Variants in BPIFC observed in about 807,000 individuals in gnomAD.
BPIFC encodes BPI fold-containing family C protein.
BPIFC carries 60 observed loss-of-function variants against 57.6 expected under a neutral mutation model. That is an observed-to-expected ratio of 1.04 (90% confidence interval 0.85 to 1.29). BPIFC has a LOEUF of 1.29. Among genes scored for constraint, BPIFC ranks in the 50% most tolerant of loss-of-function variants. The pLI is 0.00. For synonymous variants in BPIFC, 243 were observed against 224.5 expected (o/e 1.08, Z -0.74); for missense variants, 581 against 600.5 (o/e 0.97, Z 0.34).
At chr22:32,448,504 T>C (rs1257958223) in intron 4 of BPIFC, among the ~76,000 whole-genome samples, 1 of 152,184 alleles carries the variant, frequency 6.6e-6, no homozygotes, top group Admixed American at 6.5e-5. Flanking sequence ...CCAAATGTCC[T>C]CTATGTGGAC....
intron 7 of BPIFC, among the ~76,000 whole-genome samples, 182 bp from the exon 8 acceptor site, chr22:32,442,913 G>GTA (rs1261225478): frequency 2.0e-5 from 3 of 152,158 alleles, no homozygotes; most frequent in Non-Finnish European, 4.4e-5. Flanking sequence ...GATACGGGTG[G>GTA]TATGTCACTG....
Position 32,434,177 on chromosome 22 carries a change from T to G in BPIFC, c.925-405A>C, listed in dbSNP as rs181245411. ...TTCTTTATATATATATTACAATCTATCTATGTGTACATATTCTTTATTTAT... is the reference window on the plus strand; with the variant it reads ...TTCTTTATATATATATTACAATCTAGCTATGTGTACATATTCTTTATTTAT... On this transcript the variant is annotated intron_variant, in intron 10 of 16. Transcript: ENST00000300399. 9.2e-4 allele frequency among the ~76,000 whole-genome samples: 138 copies of G among 149,624 alleles called. 2 individuals carry two copies. The highest frequency in any genetic ancestry group is 2.9e-3 in the African/African-American group (121 of 41,096).
At chr22:32,461,153 A>G (rs1157421283) in intron 2 of BPIFC, among the ~76,000 whole-genome samples, 1 of 152,044 alleles carries the variant, frequency 6.6e-6, no homozygotes, top group Non-Finnish European at 1.5e-5. Flanking sequence ...GGCACTGGGA[A>G]TAGGAGGGGG....
intron 8 of BPIFC, among the ~76,000 whole-genome samples, chr22:32,440,312 A>AT (rs936841774): frequency 4.3e-5 from 6 of 138,090 alleles, no homozygotes; most frequent in Non-Finnish European, 8.2e-5. Context: ...TTAAAAAAAA[A>AT]TTTTTTTTAT....
At position 32,414,433 on chromosome 22, in the gene BPIFC, G is replaced by A; in HGVS notation, c.1402-8C>T. On this transcript the variant is annotated splice_polypyrimidine_tract_variant and splice_region_variant and intron_variant, in intron 16 of 16. Coordinates refer to ENST00000300399, the MANE Select transcript of BPIFC (RefSeq NM_174932.3). Reference sequence around the variant, plus strand: ...GGAAATCAAAAGGAAACCCTGGAAAGGATGTGACAATGAAGATAACGTCAA... The same window carrying A: ...GGAAATCAAAAGGAAACCCTGGAAAAGATGTGACAATGAAGATAACGTCAA... 1 of 1,612,876 alleles carries A rather than the reference G, an allele frequency of 6.2e-7. No individual in the cohort carries two copies.
At chr22:32,448,233 T>A (rs1392260194) in intron 4 of BPIFC, among the ~76,000 whole-genome samples, 2 of 152,066 alleles carry the variant, frequency 1.3e-5, no homozygotes, top group Non-Finnish European at 2.9e-5. Context: ...CACACCTGGA[T>A]AATTTTTTGT....
chr22:32,447,199 G>A lies in BPIFC; in HGVS notation c.374+13C>T. On this transcript the variant is annotated intron_variant, in intron 5 of 16. Coordinates refer to ENST00000300399, the MANE Select transcript of BPIFC (RefSeq NM_174932.3). Reference sequence around the variant, plus strand: ...TCCCAGAACAGCTGCAGACATTTCAGTGGAATACTCACAAAAGTGGAGACT... The same window carrying A: ...TCCCAGAACAGCTGCAGACATTTCAATGGAATACTCACAAAAGTGGAGACT... 1.3e-6 allele frequency: 2 copies of A among 1,576,818 alleles called. No homozygotes were observed. Among genetic ancestry groups the A allele is most frequent in the Non-Finnish European group, 1.7e-6 (2 of 1,161,186 alleles).
At chr22:32,436,461 G>T (rs1330703126) in intron 9 of BPIFC, among the ~76,000 whole-genome samples, 1 of 151,952 alleles carries the variant, frequency 6.6e-6, no homozygotes, top group East Asian at 1.9e-4. Flanking sequence ...ATAAGAAGAA[G>T]AAGAAAAAGA....
At chr22:32,448,299 AC>A (rs1046911958) in intron 4 of BPIFC, among the ~76,000 whole-genome samples, 4 of 151,814 alleles carry the variant, frequency 2.6e-5, no homozygotes, top group African/African-American at 9.7e-5. Context: ...TGATCTCCTG[AC>A]CTGACCTCGT....
intron 10 of BPIFC, among the ~76,000 whole-genome samples, chr22:32,434,947 G>A (rs1254315500): frequency 2.6e-5 from 4 of 151,778 alleles, no homozygotes; most frequent in Non-Finnish European, 5.9e-5. Context: ...TAAACCAGCT[G>A]TAATTACAAC....
At chr22:32,433,953 TAA>T (rs965681219) in intron 10 of BPIFC, among the ~76,000 whole-genome samples, 181 bp from the exon 11 acceptor site, 1 of 152,090 alleles carries the variant, frequency 6.6e-6, no homozygotes, top group Non-Finnish European at 1.5e-5. Context: ...CTCAGAGAAG[TAA>T]AGTGACTTGC....
At chr22:32,441,836 G>A (rs1934573065) in intron 8 of BPIFC, among the ~76,000 whole-genome samples, 1 of 152,196 alleles carries the variant, frequency 6.6e-6, no homozygotes, top group South Asian at 2.1e-4. Flanking sequence ...CATGGCCTGG[G>A]GTTGGGGGGG....
At chr22:32,432,017 T>C (rs1364874065) in intron 12 of BPIFC, among the ~76,000 whole-genome samples, 1 of 147,994 alleles carries the variant, frequency 6.8e-6, no homozygotes, top group Non-Finnish European at 1.5e-5. Context: ...CACTGTAGCC[T>C]CAAACTCCTG....
intron 3 of BPIFC, 46 bp from the exon 4 acceptor site, chr22:32,453,549 T>C: frequency 6.5e-7 from 1 of 1,538,206 alleles, no homozygotes; most frequent in Non-Finnish European, 8.7e-7. Context: ...ACAAAGATAA[T>C]AATAGCATAA....
At chr22:32,439,811 C>T (rs1934515745) in intron 8 of BPIFC, among the ~76,000 whole-genome samples, 1 of 152,140 alleles carries the variant, frequency 6.6e-6, no homozygotes, top group Non-Finnish European at 1.5e-5. Flanking sequence ...GACAGCATTT[C>T]ACCCTGTTGG....
chr22:32,437,224 T>C (rs1035787856), intron 9 of BPIFC, among the ~76,000 whole-genome samples: 1 of 152,230 alleles, frequency 6.6e-6, no homozygotes, highest in Non-Finnish European at 1.5e-5. Flanking sequence ...AGGGCAGACA[T>C]ATGTTGTACA....
intron 9 of BPIFC, among the ~76,000 whole-genome samples, chr22:32,436,438 GAGA>G: frequency 6.7e-6 from 1 of 148,922 alleles, no homozygotes; most frequent in East Asian, 2.0e-4. Flanking sequence ...GAAGGAGAAG[GAGA>G]AGAAGAAGCA....
chr22:32,436,634 C>A (rs1339046426), intron 9 of BPIFC, among the ~76,000 whole-genome samples: 1 of 152,154 alleles, frequency 6.6e-6, no homozygotes, highest in African/African-American at 2.4e-5. Context: ...CAATGAGAAC[C>A]CTTGTTTGAA....
intron 7 of BPIFC, among the ~76,000 whole-genome samples, chr22:32,443,459 G>A (rs1934628591): frequency 6.6e-6 from 1 of 152,170 alleles, no homozygotes; most frequent in Non-Finnish European, 1.5e-5. Flanking sequence ...CACCGCGCCC[G>A]GCCCCAGAGC....
Sources: gnomAD v4.1 joint callset for allele counts (sites outside exome capture counted in the v4.1 genomes callset) on GRCh38, gnomAD v4.1.1 for gene constraint, MANE v1.5 for transcripts, NCBI Gene and HGNC (gene_info 2026-07-23, HGNC 2026-07-21) for gene names.